Variants in ZNF732 observed in about 807,000 individuals in gnomAD.
The protein encoded by ZNF732 is zinc finger protein LOC654254.
Under a neutral mutation model 11.5 loss-of-function variants are expected in ZNF732, and 12 were observed. The observed-to-expected ratio is 1.05, with a 90% CI of 0.67 to 1.70. ZNF732 has a LOEUF of 1.70. Among genes scored for constraint, ZNF732 ranks in the 40% most tolerant of loss-of-function variants. The pLI, the probability that ZNF732 is intolerant of heterozygous loss-of-function variation, is 0.00. For synonymous variants in ZNF732, 231 were observed against 236.5 expected (o/e 0.98, Z 0.21); for missense variants, 702 against 676.9 (o/e 1.04, Z -0.41).
At chr4:302,622 C>T (rs1024058825) in intron 1 of ZNF732, among the ~76,000 whole-genome samples, 5 of 152,202 alleles carry the variant, frequency 3.3e-5, no homozygotes, top group African/African-American at 4.8e-5. Flanking sequence ...GGATAGGATG[C>T]ATGTTCTTGC....
chr4:299,872 T>C (rs1553843356), intron 1 of ZNF732, among the ~76,000 whole-genome samples: 1 of 146,502 alleles, frequency 6.8e-6, no homozygotes, highest in Non-Finnish European at 1.5e-5. Context: ...ATTTTTTTTT[T>C]TTTTTTTTTT....
chr4:287,083 G>A (rs1022725049), intron 3 of ZNF732, among the ~76,000 whole-genome samples: 1 of 152,028 alleles, frequency 6.6e-6, no homozygotes, highest in Non-Finnish European at 1.5e-5. Context: ...CCCGGGAGGC[G>A]AAGCTTGCAG....
In ZNF732 at chr4:270,772, T is replaced by G. The variant is rs1161685400; in HGVS notation, c.*327A>C. The G allele has an allele frequency of 2.0e-6, 1 of 504,020 alleles. No homozygotes were observed. The highest frequency in any genetic ancestry group is 3.8e-6 in the Non-Finnish European group (1 of 265,972). 31.2% of individuals were successfully genotyped at this position (504,020 alleles called of 1,614,324 possible). ...CCCACATTCTTTACATTTGTAGGATTCATCTCCCATATGAATTTTCTTATG... is the reference window on the plus strand; with the variant it reads ...CCCACATTCTTTACATTTGTAGGATGCATCTCCCATATGAATTTTCTTATG... On this transcript the variant is annotated 3_prime_UTR_variant, in exon 4 of 4. Transcript: ENST00000419098.
intron 3 of ZNF732, among the ~76,000 whole-genome samples, chr4:280,294 G>GA (rs59901961): frequency 0.73 from 103,614 of 142,612 alleles, 37,788 homozygotes; most frequent in Non-Finnish European, 0.77. Flanking sequence ...ACAGCAGTAA[G>GA]AAAAAAAAAA....
intron 3 of ZNF732, among the ~76,000 whole-genome samples, chr4:289,350 G>C (rs1216526948): frequency 6.6e-6 from 1 of 152,220 alleles, no homozygotes; most frequent in African/African-American, 2.4e-5. Flanking sequence ...TTTGAAACTG[G>C]TAAGGTTAAA....
intron 3 of ZNF732, among the ~76,000 whole-genome samples, chr4:287,240 G>A (rs533602864): frequency 3.1e-4 from 47 of 151,186 alleles, no homozygotes; most frequent in Middle Eastern, 6.8e-3. Flanking sequence ...TTTTAAAGAC[G>A]GAGTTTTGGT....
At position 272,611 on chromosome 4, in the gene ZNF732, G is replaced by T. The variant is rs181096689; in HGVS notation, c.246C>A (p.Thr82=). ...TCCCCTGCACTGGCAAAAAGTCTTG[G>T]GTGAAATGAGAACACACAGCTGAAA... is the stretch of plus-strand genomic sequence containing the variant. The part of the protein sequence containing the change: ...AKHPAVCSHF[T]QDFLPVQGIE... Residue 82 remains threonine, a synonymous_variant, in exon 4 of 4, where the codon ACC becomes ACA. Transcript: ENST00000419098. 6.4e-4 allele frequency: 970 copies of T among 1,523,922 alleles called. 11 individuals carry two copies. The East Asian group carries it at 0.015, about 24-fold the overall frequency. 94.4% of individuals were successfully genotyped at this position (1,523,922 alleles called of 1,614,324 possible).
rs1553842229 is a variant in ZNF732, at chr4:296,071, T to C, written c.88A>G (p.Arg30Gly). The C allele has an allele frequency of 6.2e-7, 1 of 1,613,774 alleles. No individual in the cohort carries two copies. The highest frequency in any genetic ancestry group is 1.7e-5 in the Admixed American group (1 of 59,984). ...CTGTAGTTCTCCAACATCACATCTCTATACAAATTCTGCTGGGCAGGGTCC... is the reference window on the plus strand; with the variant it reads ...CTGTAGTTCTCCAACATCACATCTCCATACAAATTCTGCTGGGCAGGGTCC... The part of the protein sequence containing the change: ...CLDPAQQNLY[R>G]DVMLENYRNL... The change falls in exon 2 of 4, where the codon AGA becomes GGA. Residue 30 changes from arginine (R) to glycine (G), a missense_variant. Physicochemically the swap from Arg to Gly is moderately radical, Grantham distance 125. This residue lies in a region of ZNF732 where 596 missense variants were observed against 557.9 expected (regional missense o/e 1.07). Transcript: ENST00000419098.
In ZNF732 at chr4:271,064, G is replaced by T. The variant is rs1553837101; in HGVS notation, c.*35C>A. ...TTTCTTATGTTCATTCAGGTTTGTG[G>T]ATCATCCAAAGGCTTTGCCACATTC... is the stretch of plus-strand genomic sequence containing the variant. On this transcript the variant is annotated 3_prime_UTR_variant, in exon 4 of 4. Transcript: ENST00000419098. 1 of 1,441,420 alleles carries T rather than the reference G, an allele frequency of 6.9e-7. No individual in the cohort carries two copies. The highest frequency in any genetic ancestry group is 1.4e-5 in the South Asian group (1 of 70,332). The allele number at this position is 1,441,420 out of a possible 1,614,324, so 89.3% of individuals were successfully genotyped here. A position where few individuals can be genotyped will look rare whatever the true frequency, so the allele number is the denominator to read the frequency against.
chr4:270,775 T>C lies in ZNF732; in HGVS notation c.*324A>G, dbSNP rs541207176. On this transcript the variant is annotated 3_prime_UTR_variant, in exon 4 of 4. Coordinates refer to ENST00000419098, the MANE Select transcript of ZNF732 (RefSeq NM_001137608.3). ...ACATTCTTTACATTTGTAGGATTCATCTCCCATATGAATTTTCTTATGTTC... is the reference window on the plus strand; with the variant it reads ...ACATTCTTTACATTTGTAGGATTCACCTCCCATATGAATTTTCTTATGTTC... 3.8e-4 allele frequency: 194 copies of C among 509,874 alleles called. 1 individual carries two copies. Among genetic ancestry groups the C allele is most frequent in the South Asian group, 3.6e-3 (188 of 52,400 alleles). The allele number at this position is 509,874 out of a possible 1,614,324, so 31.6% of individuals were successfully genotyped here.
intron 1 of ZNF732, among the ~76,000 whole-genome samples, chr4:302,455 A>C (rs1195928755): frequency 6.6e-6 from 1 of 152,216 alleles, no homozygotes; most frequent in African/African-American, 2.4e-5. Context: ...GGCTTATTGT[A>C]ATTTCACCTA....
intron 3 of ZNF732, among the ~76,000 whole-genome samples, chr4:282,903 T>C (rs185931903): frequency 6.6e-6 from 1 of 152,252 alleles, no homozygotes; most frequent in East Asian, 1.9e-4. Context: ...AATTACTAAA[T>C]GGTTAGAAAA....
chr4:295,628 C>G (rs1719932720), intron 2 of ZNF732, 95 bp from the exon 3 acceptor site: 1 of 1,088,514 alleles, frequency 9.2e-7, no homozygotes, highest in South Asian at 1.6e-5. Context: ...TATGGAAGAT[C>G]CTACATAATT....
intron 3 of ZNF732, among the ~76,000 whole-genome samples, chr4:284,702 C>T (rs1480625720): frequency 6.6e-6 from 1 of 151,340 alleles, no homozygotes; most frequent in Non-Finnish European, 1.5e-5. Context: ...GAAACCAAGT[C>T]TCTACTAAAA....
intron 3 of ZNF732, among the ~76,000 whole-genome samples, chr4:274,323 ATTATT>A (rs1719449716): frequency 6.6e-6 from 1 of 151,770 alleles, no homozygotes; most frequent in South Asian, 2.1e-4. Flanking sequence ...TTTAAAATAT[ATTATT>A]TTAACTTAAA....
intron 3 of ZNF732, among the ~76,000 whole-genome samples, chr4:292,705 A>T (rs565015117): frequency 6.6e-6 from 1 of 151,936 alleles, no homozygotes; most frequent in East Asian, 1.9e-4. Context: ...ATACAAGGTA[A>T]GTGCTATATG....
chr4:301,600 C>G (rs1720119089), intron 1 of ZNF732, among the ~76,000 whole-genome samples: 1 of 152,176 alleles, frequency 6.6e-6, no homozygotes, highest in Admixed American at 6.5e-5. Context: ...CCATCATTCT[C>G]AGCAAACTAT....
rs782548814 is a variant in ZNF732, at chr4:295,458, T to A, written c.206A>T (p.Glu69Val). The change falls in exon 3 of 4, where the codon GAG (glutamate) becomes GTG (valine). Residue 69 changes from glutamate to valine, a missense_variant. By Grantham distance (121) the Glu-to-Val change is moderately radical (BLOSUM62 -2). Transcript: ENST00000419098. ...RKEPYKVKIH[E>V]TVAKHPAVCS... ...CCTACCTGGGTGTTTGGCTACTGTC[T>A]CATGTATCTTCACTTTGTAGGGCTC... 7 of 1,609,556 alleles carry A rather than the reference T, an allele frequency of 4.3e-6. No homozygotes were observed. The highest frequency in any genetic ancestry group is 5.1e-6 in the Non-Finnish European group (6 of 1,177,680).
intron 3 of ZNF732, among the ~76,000 whole-genome samples, chr4:293,067 CAAAA>C (rs1227557602): frequency 0.069 from 2,392 of 34,714 alleles, 5 homozygotes; most frequent in Middle Eastern, 0.1. Flanking sequence ...GACTCCATCT[CAAAA>C]AAAAAAAAAA....
Sources: allele counts gnomAD v4.1 joint callset (sites outside exome capture counted in the v4.1 genomes callset), GRCh38; gene constraint gnomAD v4.1.1; regional missense constraint gnomAD v4.1.1; transcripts MANE v1.5; gene names NCBI Gene and HGNC (gene_info 2026-07-23, HGNC 2026-07-21).